The following CEP76 variants were observed in gnomAD, a reference collection of about 807,000 sequenced individuals.
The protein encoded by CEP76 is centrosomal protein of 76 kDa.
In CEP76, 55 loss-of-function variants were observed where a neutral mutation model predicts 83.3. The ratio of observed to expected loss-of-function variants is 0.66; its 90% CI spans 0.53 to 0.83. The LOEUF is 0.83. Ranked by LOEUF, CEP76 falls within the 40% of genes least tolerant of loss-of-function variation. The pLI, the probability that CEP76 is intolerant of heterozygous loss-of-function variation, is 0.00. For missense variants in CEP76, 694 were observed against 799.5 expected (o/e 0.87, Z 1.59); for synonymous variants, 270 against 274.5 (o/e 0.98, Z 0.16).
At chr18:12,671,948 G>A (rs1412890809), downstream of CEP76, among the ~76,000 whole-genome samples, 1 of 151,930 alleles carries the variant, frequency 6.6e-6, no homozygotes, top group Non-Finnish European at 1.5e-5. Flanking sequence ...AGTCTCCTGA[G>A]TAGCTAGACT....
At chr18:12,667,873 T>C (rs1456900728), downstream of CEP76, among the ~76,000 whole-genome samples, 1 of 95,396 alleles carries the variant, frequency 1.0e-5, no homozygotes, top group Non-Finnish European at 2.1e-5. Context: ...TTTTTTTAAA[T>C]AGAACAAGAA....
intron 4 of CEP76, among the ~76,000 whole-genome samples, chr18:12,698,086 T>C (rs924010326): frequency 1.3e-5 from 2 of 151,908 alleles, no homozygotes; most frequent in Non-Finnish European, 2.9e-5. Context: ...CATGCTTTAT[T>C]GGAGAAATAA....
downstream of CEP76, among the ~76,000 whole-genome samples, chr18:12,670,012 GA>G (rs2038903089): frequency 2.1e-5 from 3 of 145,230 alleles, no homozygotes; most frequent in African/African-American, 5.1e-5. Flanking sequence ...AAAAAGAAAA[GA>G]AAAAGAAAAA....
At chr18:12,691,518 C>A (rs1241770894) in intron 6 of CEP76, 31 bp from the exon 7 acceptor site, 1 of 1,524,492 alleles carries the variant, frequency 6.6e-7, no homozygotes, top group Non-Finnish European at 9.0e-7. Flanking sequence ...TTTTCAATTT[C>A]TATTCATTAT....
At chr18:12,697,469 A>AAT (rs1598662519) in intron 4 of CEP76, 61 bp from the exon 5 acceptor site, 2 of 1,111,828 alleles carry the variant, frequency 1.8e-6, no homozygotes, top group East Asian at 5.1e-5. Flanking sequence ...CCAACATAAA[A>AAT]GAATACTTTT....
In CEP76 at chr18:12,673,306, A is replaced by T; in HGVS notation, c.*59T>A. On this transcript the variant is annotated 3_prime_UTR_variant, in exon 12 of 12. Transcript: ENST00000262127. ...TAACAAACCTCTAAATAGCTAAGTA[A>T]TGTACAATGTGTAAAATTCCAATTA... The T allele has an allele frequency of 6.4e-7, 1 of 1,554,130 alleles. No individual in the cohort carries two copies. The highest frequency in any genetic ancestry group is 8.6e-7 in the Non-Finnish European group (1 of 1,158,734).
intron 1 of CEP76, among the ~76,000 whole-genome samples, chr18:12,701,879 C>A (rs2040165216): frequency 6.6e-6 from 1 of 152,180 alleles, no homozygotes; most frequent in Middle Eastern, 3.2e-3. Context: ...GCCTGTAATC[C>A]CAGCACTTTA....
In CEP76 at chr18:12,696,883, A is replaced by G. The variant is rs537053708; in HGVS notation, c.706+340T>C. Reference sequence around the variant, plus strand: ...GTATTCCAGGGTGTGATGACTGGACACACATAAGTTTGTATGTGTGTCAAG... The same window carrying G: ...GTATTCCAGGGTGTGATGACTGGACGCACATAAGTTTGTATGTGTGTCAAG... On this transcript the variant is annotated intron_variant, in intron 5 of 11. Coordinates refer to ENST00000262127, the MANE Select transcript of CEP76 (RefSeq NM_024899.4). Among the ~76,000 whole-genome samples, 3 of 152,318 alleles carry G rather than the reference A, an allele frequency of 2.0e-5. No individual in the cohort carries two copies. In the East Asian group the frequency reaches 5.8e-4, roughly 29 times the overall value.
intron 10 of CEP76, among the ~76,000 whole-genome samples, chr18:12,675,389 C>CT (rs1461543910): frequency 6.6e-6 from 1 of 151,812 alleles, no homozygotes; most frequent in Non-Finnish European, 1.5e-5. Flanking sequence ...GAGCGAGACT[C>CT]TGTCTCAAAA....
intron 9 of CEP76, among the ~76,000 whole-genome samples, chr18:12,679,510 T>G (rs1034081376): frequency 1.3e-5 from 2 of 152,162 alleles, no homozygotes; most frequent in Admixed American, 1.3e-4. Flanking sequence ...ATAAATTCCA[T>G]TTTTCTCCCC....
intron 12 of CEP76, among the ~76,000 whole-genome samples, chr18:12,664,721 CGGGGT>C: frequency 7.0e-6 from 1 of 143,326 alleles, no homozygotes; most frequent in Non-Finnish European, 1.5e-5. Flanking sequence ...TTTTTTAAGA[CGGGGT>C]CTTGCTCTGT....
intron 11 of CEP76, among the ~76,000 whole-genome samples, chr18:12,674,011 G>A: frequency 6.6e-6 from 1 of 152,132 alleles, no homozygotes; most frequent in East Asian, 1.9e-4. Context: ...ACCTGAGACT[G>A]CACCAAAATC....
chr18:12,701,187 C>G, intron 1 of CEP76, 74 bp from the exon 2 acceptor site: 1 of 1,074,736 alleles, frequency 9.3e-7, no homozygotes, highest in East Asian at 2.4e-5. Flanking sequence ...TTTTAAGGTT[C>G]TCCAGCTAAC....
chr18:12,675,654 A>T (rs1251353788), intron 10 of CEP76, among the ~76,000 whole-genome samples: 2 of 151,886 alleles, frequency 1.3e-5, no homozygotes, highest in Non-Finnish European at 1.5e-5. Flanking sequence ...AAACAACATG[A>T]TTCCATTTAT....
intron 10 of CEP76, 72 bp downstream of exon 10, chr18:12,678,037 C>T (rs2039206763): frequency 8.1e-7 from 1 of 1,231,934 alleles, no homozygotes; most frequent in East Asian, 2.3e-5. Flanking sequence ...GGCACTATCA[C>T]ACACACCAAA....
In CEP76 at chr18:12,698,188, AAATT is replaced by A. The variant is rs754582026; in HGVS notation, c.521-784_521-781del. Among the ~76,000 whole-genome samples the A allele has an allele frequency of 2.6e-5, 4 of 151,684 alleles. No individual in the cohort carries two copies. In the East Asian group the frequency reaches 7.7e-4, roughly 29 times the overall value. ...TATATTTATTTGTAAGTATTTATAA[AAATT>A]TATTAGAAGTTTTTATAAATAATTT... On this transcript the variant is annotated intron_variant, in intron 4 of 11. Coordinates refer to ENST00000262127, the MANE Select transcript of CEP76 (RefSeq NM_024899.4).
chr18:12,672,938 A>T lies in CEP76; in HGVS notation c.*427T>A, dbSNP rs2038984499. ...CAATAAATAAATCTGTCATGAGGTT[A>T]ATTTCTCCTAATCTGTATAAAATAA... On this transcript the variant is annotated 3_prime_UTR_variant, in exon 12 of 12. Coordinates refer to ENST00000262127, the MANE Select transcript of CEP76 (RefSeq NM_024899.4). The T allele has an allele frequency of 9.2e-6, 9 of 981,604 alleles. No homozygotes were observed. Among genetic ancestry groups the T allele is most frequent in the Non-Finnish European group, 9.7e-6 (8 of 826,394 alleles). 60.8% of individuals were successfully genotyped at this position (981,604 alleles called of 1,614,324 possible).
chr18:12,681,828 T>C (rs2039359072), intron 8 of CEP76, among the ~76,000 whole-genome samples: 1 of 151,990 alleles, frequency 6.6e-6, no homozygotes, highest in African/African-American at 2.4e-5. Flanking sequence ...TATAAAGACC[T>C]ATAAAAAAAT....
At chr18:12,664,844 G>A (rs1478015826) in intron 12 of CEP76, among the ~76,000 whole-genome samples, 3 of 151,540 alleles carry the variant, frequency 2.0e-5, no homozygotes, top group Admixed American at 6.6e-5. Flanking sequence ...GATTACAGGC[G>A]CCCGTCACCA....
Sources: allele counts gnomAD v4.1 joint callset (sites outside exome capture counted in the v4.1 genomes callset), GRCh38; gene constraint gnomAD v4.1.1; transcripts MANE v1.5; gene names NCBI Gene and HGNC (gene_info 2026-07-23, HGNC 2026-07-21).